Variants in TENT5D observed in about 807,000 individuals in gnomAD.
The protein encoded by TENT5D is cancer/testis antigen 112.
For synonymous variants in TENT5D, 103 were observed against 100.6 expected, an observed-to-expected ratio of 1.02 and a Z score of -0.15; for missense variants, 191 against 287.0, an observed-to-expected ratio of 0.67 and a Z score of 2.42.
intron 3 of TENT5D, among the ~76,000 whole-genome samples, chrX:80,386,825 GA>G (rs976807749): frequency 4.5e-5 from 5 of 111,123 alleles, no homozygotes; most frequent in Non-Finnish European, 9.4e-5. Context: ...ACTGCATATT[GA>G]AAAAAACTAG....
chrX:80,421,163 T>A (rs891959638), intron 1 of TENT5D, among the ~76,000 whole-genome samples: 1 of 111,238 alleles, frequency 9.0e-6, no homozygotes, highest in African/African-American at 3.3e-5. Flanking sequence ...AGCACTCATG[T>A]CTTATCTCAT....
intron 3 of TENT5D, among the ~76,000 whole-genome samples, chrX:80,376,549 A>AT (rs1173080707): frequency 9.0e-6 from 1 of 111,572 alleles, no homozygotes; most frequent in African/African-American, 3.2e-5. Context: ...TTAAAAAACT[A>AT]TTTTTAAATT....
At chrX:80,406,960 A>G (rs1602211312) in intron 3 of TENT5D, among the ~76,000 whole-genome samples, 1 of 105,995 alleles carries the variant, frequency 9.4e-6, no homozygotes, top group African/African-American at 3.4e-5. Context: ...ATTCTTAAAG[A>G]AAAGAATTTT....
rs1373660812 is a variant in TENT5D, at chrX:80,409,885, G to A, written c.-141-28725G>A. On this transcript the variant is annotated intron_variant, in intron 3 of 4. Transcript: ENST00000538312. ...CAGTAACCAAAACAGCATGGTACTG[G>A]TACCAAAACAGAGATATAGATCAAT... Among the ~76,000 whole-genome samples the A allele has an allele frequency of 5.6e-5, 6 of 106,488 alleles. No individual in the cohort carries two copies. The East Asian group carries it at 1.2e-3, about 21-fold the overall frequency. The allele number at this position is 106,488 out of a possible 115,157, so 92.5% of individuals were successfully genotyped here.
At chrX:80,341,739 T>C (rs1274454703) in intron 2 of TENT5D, among the ~76,000 whole-genome samples, 2 of 93,479 alleles carry the variant, frequency 2.1e-5, no homozygotes, top group Admixed American at 1.2e-4. Context: ...TGAGACGGAG[T>C]CTCGCTCTGT....
chrX:80,436,414 T>C (rs958794634), intron 1 of TENT5D, among the ~76,000 whole-genome samples: 1 of 111,037 alleles, frequency 9.0e-6, no homozygotes, highest in Non-Finnish European at 1.9e-5. Flanking sequence ...TATTATACTT[T>C]AAGTTCTGGG....
intron 3 of TENT5D, among the ~76,000 whole-genome samples, chrX:80,397,676 C>G (rs1159089834): frequency 2.7e-5 from 3 of 112,428 alleles, no homozygotes; most frequent in African/African-American, 9.7e-5. Flanking sequence ...TCTGCAATCC[C>G]GGCACCTCGG....
At chrX:80,336,781 T>A (rs967627809) in intron 2 of TENT5D, among the ~76,000 whole-genome samples, 1 of 111,983 alleles carries the variant, frequency 8.9e-6, no homozygotes, top group African/African-American at 3.2e-5. Flanking sequence ...AAAAAGTGTT[T>A]TGAAAATGTT....
At position 80,443,169 on chromosome X, in the gene TENT5D, C is replaced by T. The variant is rs1414319275; in HGVS notation, c.630C>T (p.Asp210=). ...TGGTAGCTGAAAGCATGTATGGAGACTTCCAGGAAGCAATGACACATTTGC... is the reference window on the plus strand; with the variant it reads ...TGGTAGCTGAAAGCATGTATGGAGATTTCCAGGAAGCAATGACACATTTGC... Residue 210 remains aspartate (D), a synonymous_variant, in exon 3 of 3, where the codon GAC becomes GAT. Transcript: ENST00000308293. 4 of 1,209,381 alleles carry T rather than the reference C, an allele frequency of 3.3e-6. No homozygotes were observed. The Admixed American group carries it at 8.8e-5, about 27-fold the overall frequency.
chrX:80,432,072 C>T (rs1932099948), intron 1 of TENT5D, among the ~76,000 whole-genome samples: 1 of 110,767 alleles, frequency 9.0e-6, no homozygotes, highest in African/African-American at 3.3e-5. Flanking sequence ...ATTCCTAAGG[C>T]TCCAGCTGAC....
At chrX:80,400,739 T>C (rs1195644753) in intron 3 of TENT5D, among the ~76,000 whole-genome samples, 1 of 111,803 alleles carries the variant, frequency 8.9e-6, no homozygotes, top group Non-Finnish European at 1.9e-5. Flanking sequence ...TTGTCATCTT[T>C]TATGGTTTCA....
chrX:80,378,524 A>C (rs1299054850), intron 3 of TENT5D, among the ~76,000 whole-genome samples: 1 of 111,357 alleles, frequency 9.0e-6, no homozygotes, highest in Non-Finnish European at 1.9e-5. Flanking sequence ...CAGGACCATT[A>C]TTAAATAGGG....
intron 3 of TENT5D, among the ~76,000 whole-genome samples, chrX:80,405,018 CTT>C (rs1931455208): frequency 9.0e-6 from 1 of 111,395 alleles, no homozygotes; most frequent in African/African-American, 3.3e-5. Flanking sequence ...TCCTTTAGAC[CTT>C]TAAGAAAACA....
At chrX:80,355,142 A>G (rs1029848568) in intron 3 of TENT5D, among the ~76,000 whole-genome samples, 1 of 112,058 alleles carries the variant, frequency 8.9e-6, no homozygotes, top group Non-Finnish European at 1.9e-5. Context: ...GCTGCTGGCA[A>G]ATTCTACTGG....
chrX:80,402,201 T>G (rs1362224543), intron 3 of TENT5D, among the ~76,000 whole-genome samples: 4 of 111,778 alleles, frequency 3.6e-5, no homozygotes, highest in African/African-American at 1.3e-4. Flanking sequence ...TTGTTGATAG[T>G]AGTCTGCTAG....
chrX:80,443,775 T>C (rs752360579), exon 3 of TENT5D: 93 of 956,895 alleles, frequency 9.7e-5, no homozygotes, highest in Non-Finnish European at 1.2e-4. Context: ...AGTTTCCAAA[T>C]GTAAAATTCA....
At chrX:80,379,389 G>T (rs932993604) in intron 3 of TENT5D, among the ~76,000 whole-genome samples, 6 of 110,254 alleles carry the variant, frequency 5.4e-5, no homozygotes, top group Non-Finnish European at 1.1e-4. Context: ...TATTCATCAG[G>T]GATATTGGTC....
intron 2 of TENT5D, among the ~76,000 whole-genome samples, chrX:80,441,356 G>A (rs1932279696): frequency 9.0e-6 from 1 of 111,256 alleles, no homozygotes; most frequent in Non-Finnish European, 1.9e-5. Context: ...AGTAGTCCAC[G>A]TAGATGTCAA....
chrX:80,428,993 G>T (rs1448095043), intron 1 of TENT5D, among the ~76,000 whole-genome samples: 1 of 111,629 alleles, frequency 9.0e-6, no homozygotes, highest in Non-Finnish European at 1.9e-5. Context: ...TTAGAAGGAA[G>T]TTTACCTTCC....
Sources: allele counts gnomAD v4.1 joint callset (sites outside exome capture counted in the v4.1 genomes callset), GRCh38; gene constraint gnomAD v4.1.1; transcripts MANE v1.5; gene names NCBI Gene and HGNC (gene_info 2026-07-23, HGNC 2026-07-21).